Variants in RNF180 observed in about 807,000 individuals in gnomAD.
The protein encoded by RNF180 is ring finger protein 180.
A neutral mutation model predicts 59.2 loss-of-function variants in RNF180; 38 were observed. The observed-to-expected ratio is 0.64, with a 90% CI of 0.50 to 0.84. RNF180 has a LOEUF of 0.84. RNF180 is among the 40% of genes least tolerant of loss of function. The probability of loss-of-function intolerance (pLI) is 0.00; values close to 1 mark genes in which losing one functional copy is unlikely to be tolerated. For synonymous variants in RNF180, 262 were observed against 240.3 expected, an observed-to-expected ratio of 1.09 and a Z score of -0.84; for missense variants, 705 against 700.9, an observed-to-expected ratio of 1.01 and a Z score of -0.07.
chr5:64,262,349 T>G (rs1580135975), intron 5 of RNF180, among the ~76,000 whole-genome samples: 1 of 152,296 alleles, frequency 6.6e-6, no homozygotes, highest in African/African-American at 2.4e-5. Context: ...AATGCATCTG[T>G]GTGTCATCTA....
At chr5:64,366,047 A>G (rs1329969384) in intron 7 of RNF180, among the ~76,000 whole-genome samples, 1 of 151,274 alleles carries the variant, frequency 6.6e-6, no homozygotes, top group Non-Finnish European at 1.5e-5. Context: ...ACCTGTTTTT[A>G]TGGTTGCTTT....
At chr5:64,246,599 T>A (rs1169584275) in intron 5 of RNF180, among the ~76,000 whole-genome samples, 1 of 152,170 alleles carries the variant, frequency 6.6e-6, no homozygotes, top group Non-Finnish European at 1.5e-5. Context: ...TAACAAGTTC[T>A]GAAATTGAGG....
intron 7 of RNF180, among the ~76,000 whole-genome samples, chr5:64,348,182 A>G (rs1207942348): frequency 6.6e-6 from 1 of 152,054 alleles, no homozygotes; most frequent in Admixed American, 6.6e-5. Flanking sequence ...TTTTTCTTCA[A>G]TACTACATAT....
Position 64,214,340 on chromosome 5 carries a change from T to A in RNF180, c.1014T>A (p.Ala338=), listed in dbSNP as rs1267444035. 4.3e-6 allele frequency: 7 copies of A among 1,614,030 alleles called. No individual in the cohort carries two copies. Among genetic ancestry groups the A allele is most frequent in the Non-Finnish European group, 5.9e-6 (7 of 1,179,936 alleles). The change falls in exon 4 of 8, where the codon GCT becomes GCA. Residue 338 remains alanine, a synonymous_variant. Transcript: ENST00000389100. ...NLTFLMDLPS[A]GRSMPEASDQ... The stretch of plus-strand genomic sequence containing the variant: ...CTTTCCTGATGGACCTGCCCTCAGC[T>A]GGCAGGAGCATGCCGGAGGCCTCAG...
chr5:64,365,000 C>CAA lies in RNF180; in HGVS notation c.1580-4605_1580-4604dup, dbSNP rs34585480. On this transcript the variant is annotated intron_variant, in intron 7 of 7. Transcript: ENST00000389100. ...AGCTAGTGGCCTGTCTTAATTTTTT[C>CAA]AAAAAAAAAAACAGCTTTTGGTTTT... is the stretch of plus-strand genomic sequence containing the variant. Among the ~76,000 whole-genome samples, 226 of 140,116 alleles carry CAA rather than the reference C, an allele frequency of 1.6e-3. 2 individuals are homozygous for CAA. Among genetic ancestry groups the CAA allele is most frequent in the African/African-American group, 5.1e-3 (199 of 38,778 alleles). The allele number at this position is 140,116 out of a possible 152,430, so 91.9% of individuals were successfully genotyped here.
At chr5:64,367,383 G>A (rs145526745) in intron 7 of RNF180, among the ~76,000 whole-genome samples, 1 of 151,674 alleles carries the variant, frequency 6.6e-6, no homozygotes, top group East Asian at 1.9e-4. Context: ...CCATTAAAAT[G>A]TACAAATATT....
intron 7 of RNF180, among the ~76,000 whole-genome samples, chr5:64,346,207 T>C (rs969284524): frequency 6.6e-6 from 1 of 151,598 alleles, no homozygotes; most frequent in Non-Finnish European, 1.5e-5. Flanking sequence ...TCATCTTATC[T>C]TGGAAAATTC....
At chr5:64,191,580 A>G (rs1360214163) in intron 1 of RNF180, among the ~76,000 whole-genome samples, 1 of 152,250 alleles carries the variant, frequency 6.6e-6, no homozygotes, top group Non-Finnish European at 1.5e-5. Context: ...AGGTCAATGC[A>G]TGAAATACAA....
At chr5:64,249,174 G>T (rs1212001928) in intron 5 of RNF180, among the ~76,000 whole-genome samples, 1 of 152,132 alleles carries the variant, frequency 6.6e-6, no homozygotes, top group African/African-American at 2.4e-5. Flanking sequence ...AATTGGTGCA[G>T]CAAATGACCG....
chr5:64,296,617 G>C (rs1742894973), intron 5 of RNF180, among the ~76,000 whole-genome samples: 1 of 151,040 alleles, frequency 6.6e-6, no homozygotes, highest in Admixed American at 6.6e-5. Flanking sequence ...GGGTGAGGGG[G>C]AAGCAAGCAA....
At chr5:64,369,048 T>A (rs1374590908) in intron 7 of RNF180, among the ~76,000 whole-genome samples, 1 of 151,952 alleles carries the variant, frequency 6.6e-6, no homozygotes, top group East Asian at 1.9e-4. Flanking sequence ...TAGCAAAGAC[T>A]TGGAACCAAC....
intron 2 of RNF180, among the ~76,000 whole-genome samples, chr5:64,210,824 G>A (rs867335938): frequency 1.3e-4 from 20 of 152,130 alleles, no homozygotes; most frequent in Middle Eastern, 3.2e-3. Flanking sequence ...TCATATGCCC[G>A]TGTAGTAACA....
intron 7 of RNF180, among the ~76,000 whole-genome samples, chr5:64,364,605 G>A (rs1485649309): frequency 7.3e-5 from 11 of 151,712 alleles, no homozygotes; most frequent in Non-Finnish European, 1.6e-4. Flanking sequence ...GCGTTGGGAA[G>A]GAGTCTCTCC....
In RNF180 at chr5:64,326,190, G is replaced by A. The variant is rs180841173; in HGVS notation, c.1453+779G>A. On this transcript the variant is annotated intron_variant, in intron 6 of 7. Coordinates refer to ENST00000389100, the MANE Select transcript of RNF180 (RefSeq NM_001113561.2). ...TCTTTCTTCCCTCAAGGAAATACAA[G>A]GACCCACCTGCTACATATTTCTCTT... Among the ~76,000 whole-genome samples, 150 of 151,976 alleles carry A rather than the reference G, an allele frequency of 9.9e-4. 2 individuals are homozygous for A. The East Asian group carries it at 0.022, about 22-fold the overall frequency.
At chr5:64,242,445 G>A (rs1158904926) in intron 5 of RNF180, among the ~76,000 whole-genome samples, 1 of 152,152 alleles carries the variant, frequency 6.6e-6, no homozygotes, top group Non-Finnish European at 1.5e-5. Context: ...CTGTTTTTAA[G>A]AAGCTCACTG....
At chr5:64,215,662 T>C (rs972921973) in intron 4 of RNF180, among the ~76,000 whole-genome samples, 9 of 152,146 alleles carry the variant, frequency 5.9e-5, no homozygotes, top group African/African-American at 2.2e-4. Context: ...TAACTTAAAC[T>C]GTAAAATTCA....
At chr5:64,218,945 G>T (rs755569885) in intron 5 of RNF180, among the ~76,000 whole-genome samples, 8 of 152,086 alleles carry the variant, frequency 5.3e-5, no homozygotes, top group Non-Finnish European at 8.8e-5. Flanking sequence ...TTTCTTGTCA[G>T]ATTTATTCCT....
intron 2 of RNF180, among the ~76,000 whole-genome samples, chr5:64,211,041 A>G (rs1752287838): frequency 1.3e-5 from 2 of 152,090 alleles, no homozygotes; most frequent in East Asian, 1.9e-4. Context: ...AGTCATCAGG[A>G]TGTGGAAACT....
chr5:64,361,177 A>C (rs1330761708), intron 7 of RNF180, among the ~76,000 whole-genome samples: 1 of 151,536 alleles, frequency 6.6e-6, no homozygotes, highest in East Asian at 2.0e-4. Context: ...TAAAAGTGTC[A>C]TAAAACAGAA....
Sources: allele counts gnomAD v4.1 joint callset (sites outside exome capture counted in the v4.1 genomes callset), GRCh38; gene constraint gnomAD v4.1.1; transcripts MANE v1.5; gene names NCBI Gene and HGNC (gene_info 2026-07-23, HGNC 2026-07-21).